Variants in PTPRT observed in about 807,000 individuals in gnomAD.
The protein encoded by PTPRT is receptor-type tyrosine-protein phosphatase T.
In PTPRT, 56 loss-of-function variants were observed where a neutral mutation model predicts 176.8. The ratio of observed to expected loss-of-function variants is 0.32; its 90% CI spans 0.26 to 0.40. The LOEUF (loss-of-function observed/expected upper bound fraction) is 0.40, where lower values mean the gene tolerates loss of function less well. PTPRT is among the 10% of genes least tolerant of loss of function. PTPRT has a pLI of 1.00. For synonymous variants in PTPRT, 783 were observed against 739.0 expected (o/e 1.06, Z -0.96); for missense variants, 1,540 against 1,908.2 (o/e 0.81, Z 3.60).
chr20:42,182,905 GGGGTGTGTGT>G (rs1383286215), intron 16 of PTPRT, among the ~76,000 whole-genome samples: 1 of 82,926 alleles, frequency 1.2e-5, no homozygotes, highest in Non-Finnish European at 2.5e-5. Context: ...CCTACAAGCA[GGGGTGTGTGT>G]GTGTGTGTGT....
chr20:42,572,393 A>AC (rs1243063880), intron 7 of PTPRT, among the ~76,000 whole-genome samples: 1 of 152,016 alleles, frequency 6.6e-6, no homozygotes, highest in African/African-American at 2.4e-5. Context: ...CTCTGGCCTC[A>AC]CCACCCACCA....
At chr20:43,140,458 G>C (rs1224237269) in intron 1 of PTPRT, among the ~76,000 whole-genome samples, 1 of 8,984 alleles carries the variant, frequency 1.1e-4, no homozygotes, top group Non-Finnish European at 6.8e-3. Context: ...GTGTGTGTGT[G>C]TGTGTGTGTG....
At chr20:42,204,973 T>A (rs894800235) in intron 15 of PTPRT, among the ~76,000 whole-genome samples, 7 of 130,120 alleles carry the variant, frequency 5.4e-5, no homozygotes, top group African/African-American at 1.8e-4. Flanking sequence ...CGAAGGAATT[T>A]CTTTTTTTTT....
chr20:42,329,920 A>AT (rs906536669), intron 11 of PTPRT, among the ~76,000 whole-genome samples: 4 of 150,740 alleles, frequency 2.7e-5, no homozygotes, highest in Admixed American at 2.0e-4. Flanking sequence ...CTTTGAAAAT[A>AT]TTTTTTTAAT....
chr20:42,959,283 C>T (rs1981850314), intron 1 of PTPRT, among the ~76,000 whole-genome samples: 1 of 152,010 alleles, frequency 6.6e-6, no homozygotes, highest in Non-Finnish European at 1.5e-5. Flanking sequence ...ATAGAAAGTG[C>T]CATGTAAGTA....
At chr20:42,443,451 G>C (rs2059336913) in intron 9 of PTPRT, among the ~76,000 whole-genome samples, 1 of 152,214 alleles carries the variant, frequency 6.6e-6, no homozygotes, top group African/African-American at 2.4e-5. Flanking sequence ...CTGTCACTCT[G>C]TTAGGGGAAT....
In PTPRT at chr20:42,282,366, G is replaced by A. The variant is rs776030862; in HGVS notation, c.2176+123C>T. 235 of 975,156 alleles carry A rather than the reference G, an allele frequency of 2.4e-4. 1 individual carries two copies. The highest frequency in any genetic ancestry group is 3.4e-4 in the Non-Finnish European group (219 of 645,754). 60.4% of individuals were successfully genotyped at this position (975,156 alleles called of 1,614,324 possible). Reference sequence around the variant, plus strand: ...GTATGTTCTAGATGCAAATGACTCCGGTGAAAATAACAATTCTTTCTTGTT... The same window carrying A: ...GTATGTTCTAGATGCAAATGACTCCAGTGAAAATAACAATTCTTTCTTGTT... On this transcript the variant is annotated intron_variant, in intron 13 of 30. Transcript: ENST00000373187.
At chr20:42,480,724 T>C (rs1181118448) in intron 7 of PTPRT, among the ~76,000 whole-genome samples, 1 of 152,160 alleles carries the variant, frequency 6.6e-6, no homozygotes, top group Admixed American at 6.5e-5. Context: ...AATTTGATGA[T>C]GACGCATGCA....
intron 7 of PTPRT, among the ~76,000 whole-genome samples, chr20:42,584,482 C>T (rs2073436421): frequency 6.6e-6 from 1 of 152,100 alleles, no homozygotes; most frequent in African/African-American, 2.4e-5. Flanking sequence ...TCATGCAGGC[C>T]TTTGCATACA....
intron 7 of PTPRT, among the ~76,000 whole-genome samples, chr20:42,545,783 T>C (rs921451626): frequency 2.6e-5 from 4 of 152,136 alleles, no homozygotes; most frequent in South Asian, 2.1e-4. Flanking sequence ...AAGACTCCCA[T>C]AGGCTGTTAG....
At chr20:43,072,422 T>G (rs2011193574) in intron 1 of PTPRT, among the ~76,000 whole-genome samples, 1 of 152,138 alleles carries the variant, frequency 6.6e-6, no homozygotes, top group South Asian at 2.1e-4. Context: ...TCAAAGTAGG[T>G]TTGCAGGCCT....
At chr20:42,419,955 A>G (rs375762574) in intron 9 of PTPRT, among the ~76,000 whole-genome samples, 1 of 152,098 alleles carries the variant, frequency 6.6e-6, no homozygotes, top group African/African-American at 2.4e-5. Context: ...GATGCCAAGG[A>G]TTGCTCATAA....
chr20:42,593,891 A>C (rs1283793949), intron 7 of PTPRT, among the ~76,000 whole-genome samples: 3 of 152,232 alleles, frequency 2.0e-5, no homozygotes, highest in Non-Finnish European at 4.4e-5. Context: ...AGACGAGTTT[A>C]GGCTTCTCAA....
At chr20:42,306,254 T>G (rs561595638) in intron 12 of PTPRT, among the ~76,000 whole-genome samples, 1 of 152,284 alleles carries the variant, frequency 6.6e-6, no homozygotes, top group East Asian at 1.9e-4. Context: ...CTATCTTACC[T>G]AAGGAGAGAA....
chr20:42,375,968 A>G (rs1299010010), intron 9 of PTPRT, among the ~76,000 whole-genome samples: 1 of 152,218 alleles, frequency 6.6e-6, no homozygotes, highest in African/African-American at 2.4e-5. Flanking sequence ...CATAACCAAT[A>G]AAGCAGCATG....
chr20:42,601,649 T>G (rs2073783538), intron 7 of PTPRT, among the ~76,000 whole-genome samples: 1 of 152,186 alleles, frequency 6.6e-6, no homozygotes, highest in African/African-American at 2.4e-5. Context: ...AAAGGATCCT[T>G]TTGTTTTTCT....
intron 9 of PTPRT, among the ~76,000 whole-genome samples, chr20:42,358,098 A>T (rs1419647382): frequency 6.6e-6 from 1 of 151,890 alleles, no homozygotes; most frequent in African/African-American, 2.4e-5. Context: ...AAAAAAAAAA[A>T]GTCTGGCATT....
chr20:42,643,312 T>G (rs181229684), intron 7 of PTPRT, among the ~76,000 whole-genome samples: 11 of 152,212 alleles, frequency 7.2e-5, no homozygotes, highest in Non-Finnish European at 1.5e-4. Context: ...GTTATTACCC[T>G]TACTTTATTT....
At chr20:42,436,235 G>A (rs764046173) in intron 9 of PTPRT, among the ~76,000 whole-genome samples, 1 of 152,062 alleles carries the variant, frequency 6.6e-6, no homozygotes, top group East Asian at 1.9e-4. Context: ...TATAAACAAA[G>A]TGATAAAATT....
Sources: gnomAD v4.1 joint callset for allele counts (sites outside exome capture counted in the v4.1 genomes callset) on GRCh38, gnomAD v4.1.1 for gene constraint, MANE v1.5 for transcripts, NCBI Gene and HGNC (gene_info 2026-07-23, HGNC 2026-07-21) for gene names.